TMEM53: variants seen among roughly 807,000 people sequenced by gnomAD.
TMEM53 encodes transmembrane protein 53, also known as novel DUF829 domain-containing protein.
In TMEM53, 14 loss-of-function variants were observed where a neutral mutation model predicts 21.4. The observed-to-expected ratio is 0.65, with a 90% confidence interval of 0.43 to 1.02. The LOEUF is 1.02. TMEM53 is among the 50% of genes least tolerant of loss of function. TMEM53 has a pLI of 0.00. For synonymous variants in TMEM53, 148 were observed against 157.4 expected, an observed-to-expected ratio of 0.94 and a Z score of 0.45; for missense variants, 323 against 383.6, an observed-to-expected ratio of 0.84 and a Z score of 1.32.
intron 2 of TMEM53, among the ~76,000 whole-genome samples, chr1:44,658,176 T>C (rs533251716): frequency 6.6e-6 from 1 of 152,100 alleles, no homozygotes; most frequent in Non-Finnish European, 1.5e-5. Context: ...TCCATTAAGT[T>C]TGGGTTCCTC....
At chr1:44,664,935 C>T (rs1294643297) in intron 1 of TMEM53, among the ~76,000 whole-genome samples, 2 of 152,222 alleles carry the variant, frequency 1.3e-5, no homozygotes, top group African/African-American at 4.8e-5. Flanking sequence ...CTACCGCCTC[C>T]ACCACCGCGA....
chr1:44,657,066 T>C (rs989783185), intron 2 of TMEM53, among the ~76,000 whole-genome samples: 7 of 150,834 alleles, frequency 4.6e-5, no homozygotes, highest in African/African-American at 1.7e-4. Flanking sequence ...TGGTGGTGCA[T>C]GCCTGCAGTC....
chr1:44,673,040 A>C (rs1480037495), intron 1 of TMEM53, among the ~76,000 whole-genome samples: 1 of 152,230 alleles, frequency 6.6e-6, no homozygotes, highest in African/African-American at 2.4e-5. Flanking sequence ...GCCGTGCAGA[A>C]GGCAGCTCCA....
intron 2 of TMEM53, among the ~76,000 whole-genome samples, chr1:44,659,854 GC>G (rs1644883516): frequency 2.9e-5 from 4 of 137,966 alleles, no homozygotes; most frequent in Non-Finnish European, 6.2e-5. Context: ...TTCCTCACAG[GC>G]TTTTTTTTTT....
chr1:44,666,388 G>C (rs936618462), intron 1 of TMEM53, among the ~76,000 whole-genome samples: 2 of 152,166 alleles, frequency 1.3e-5, no homozygotes, highest in Non-Finnish European at 1.5e-5. Context: ...ATACATCCAG[G>C]AGAGCTAAAA....
rs572228119 is a variant in TMEM53, at chr1:44,654,704, C to T, written c.689G>A (p.Arg230His). Residue 230 changes from arginine (R) to histidine (H), a missense_variant, in exon 3 of 3, where the codon CGC (arginine) becomes CAC (histidine). Around this residue, in one of 3 missense-constraint regions of TMEM53, gnomAD observed 269 missense variants for 334.5 expected, o/e 0.80. Coordinates refer to ENST00000372237, the MANE Select transcript of TMEM53 (RefSeq NM_024587.4). This position sits in a 1 kb window ranked among gnomAD's most constrained non-coding sequence, Gnocchi z 7.0. ...DEVVLARDIE[R>H]MVEARLARRV... ...GCGTGCCAGGCGTGCCTCCACCATG[C>T]GTTCTATGTCTCTGGCCAGGACTAC... The T allele has an allele frequency of 2.5e-6, 4 of 1,614,116 alleles. No homozygotes were observed. Among genetic ancestry groups the T allele is most frequent in the Admixed American group, 1.7e-5 (1 of 60,034 alleles).
At chr1:44,662,050 C>T (rs887752265) in intron 1 of TMEM53, among the ~76,000 whole-genome samples, 14 of 152,208 alleles carry the variant, frequency 9.2e-5, no homozygotes, top group Admixed American at 5.9e-4. Flanking sequence ...TTATGGATGC[C>T]GGTGGTGACC....
At chr1:44,671,434 G>A (rs1461022863) in intron 1 of TMEM53, among the ~76,000 whole-genome samples, 1 of 152,192 alleles carries the variant, frequency 6.6e-6, no homozygotes, top group African/African-American at 2.4e-5. Flanking sequence ...AGCAGTGATG[G>A]GCTCTGTGGT....
At chr1:44,660,643 T>A (rs1212879321) in intron 1 of TMEM53, among the ~76,000 whole-genome samples, 6 of 152,108 alleles carry the variant, frequency 3.9e-5, no homozygotes, top group Non-Finnish European at 7.4e-5. Flanking sequence ...CACTGCCTAT[T>A]TTTGTATGGC....
chr1:44,660,144 G>A, intron 2 of TMEM53, 30 bp downstream of exon 2: 1 of 1,608,248 alleles, frequency 6.2e-7, no homozygotes, highest in Non-Finnish European at 8.5e-7. Flanking sequence ...CCTCACGGCA[G>A]CCCAGGGGAG....
intron 1 of TMEM53, 135 bp from the exon 2 acceptor site, chr1:44,660,430 C>T (rs1017931582): frequency 9.3e-6 from 12 of 1,284,702 alleles, no homozygotes; most frequent in East Asian, 4.8e-5. Flanking sequence ...CCTGCCAGCA[C>T]GCATGCACCA....
rs1644840970 is a variant in TMEM53 at position 44,655,423 on chromosome 1, A to G, written c.184-214T>C. On this transcript the variant is annotated intron_variant, in intron 2 of 2. Coordinates refer to ENST00000372237, the MANE Select transcript of TMEM53 (RefSeq NM_024587.4). The surrounding 1 kb of genome is among the most constrained non-coding windows in gnomAD (Gnocchi z 4.4). ...GGCAGGGAAGGTATACTTAAGGCCC[A>G]TTTTTGGACTAATTGCTTCATGCTG... Among the ~76,000 whole-genome samples, 1 of 152,156 alleles carries G rather than the reference A, an allele frequency of 6.6e-6. No individual in the cohort carries two copies.
At chr1:44,660,114 C>G (rs982899599) in intron 2 of TMEM53, 60 bp downstream of exon 2, 2 of 1,570,674 alleles carry the variant, frequency 1.3e-6, no homozygotes, top group Admixed American at 3.6e-5. Context: ...ATTCCCAGTC[C>G]TGCCTCAAAG....
rs753392240 is a variant in TMEM53 at position 44,655,245 on chromosome 1, G to GGTGGGGGTA, written c.184-45_184-37dup. On this transcript the variant is annotated intron_variant, in intron 2 of 2. Transcript: ENST00000372237. The surrounding 1 kb of genome is among the most constrained non-coding windows in gnomAD (Gnocchi z 4.4). ...AGGCCTGGTCAGTCCTCACAGATGA[G>GGTGGGGGTA]GTGGGGGTAGTGGGTACAAGCTAAG... The GGTGGGGGTA allele has an allele frequency of 3.9e-6, 6 of 1,553,314 alleles. No homozygotes were observed. In the East Asian group the frequency reaches 1.4e-4, roughly 35 times the overall value.
chr1:44,674,018 G>T, intron 1 of TMEM53: 3 of 985,468 alleles, frequency 3.0e-6, no homozygotes, highest in Non-Finnish European at 3.6e-6. Flanking sequence ...CCAGCTTTCG[G>T]CAGCCTTCAG....
Position 44,673,917 on chromosome 1 carries a change from C to G in TMEM53, c.61+414G>C, listed in dbSNP as rs368977642. ...GGGCTTCTGCGAGGATCGGTGACCC[C>G]GCGAGCCTCCCCCTCCACGCCTTCG... is the stretch of plus-strand genomic sequence containing the variant. On this transcript the variant is annotated intron_variant, in intron 1 of 2. Transcript: ENST00000372237. 5.1e-6 allele frequency: 5 copies of G among 985,396 alleles called. No homozygotes were observed. In the East Asian group the frequency reaches 3.4e-4, roughly 67 times the overall value. 61.0% of individuals were successfully genotyped at this position (985,396 alleles called of 1,614,324 possible).
intron 1 of TMEM53, among the ~76,000 whole-genome samples, chr1:44,671,448 G>A (rs1006399232): frequency 5.9e-5 from 9 of 152,176 alleles, no homozygotes; most frequent in East Asian, 3.8e-4. Flanking sequence ...CTGTGGTTTC[G>A]ATTTTTCAAA....
chr1:44,665,862 G>T (rs933854279), intron 1 of TMEM53, among the ~76,000 whole-genome samples: 10 of 151,868 alleles, frequency 6.6e-5, no homozygotes, highest in African/African-American at 2.4e-4. Context: ...ACAAACAAAA[G>T]AGATAAATTG....
At chr1:44,661,417 TAA>T (rs1425218879) in intron 1 of TMEM53, among the ~76,000 whole-genome samples, 1 of 150,068 alleles carries the variant, frequency 6.7e-6, no homozygotes, top group Non-Finnish European at 1.5e-5. Context: ...TTTTTTTTTT[TAA>T]GAGTAAAAAA....
Sources: gnomAD v4.1 joint callset for allele counts (sites outside exome capture counted in the v4.1 genomes callset) on GRCh38, gnomAD v4.1.1 for gene constraint, gnomAD v4.1.1 regional missense constraint, Gnocchi (gnomAD v3.1) non-coding constraint, MANE v1.5 for transcripts, NCBI Gene and HGNC (gene_info 2026-07-23, HGNC 2026-07-21) for gene names.